The following RBM33 variants were observed in gnomAD, a reference collection of about 807,000 sequenced individuals.
RBM33 encodes the protein RNA-binding protein 33.
RBM33 carries 28 observed loss-of-function variants against 132.6 expected under a neutral mutation model. The observed-to-expected ratio is 0.21, with a 90% CI of 0.16 to 0.29. RBM33 has a LOEUF of 0.29. Among genes scored for constraint, RBM33 ranks in the 10% least tolerant of loss-of-function variants. The pLI is 1.00. For missense variants in RBM33, 1,291 were observed against 1,518.5 expected (o/e 0.85, Z 2.49); for synonymous variants, 634 against 593.0 (o/e 1.07, Z -1.01).
chr7:155,745,748 T>C lies in RBM33; in HGVS notation c.2979+146T>C. The C allele has an allele frequency of 1.2e-6, 1 of 814,998 alleles. No individual in the cohort carries two copies. Among genetic ancestry groups the C allele is most frequent in the East Asian group, 2.7e-5 (1 of 36,980 alleles). The allele number at this position is 814,998 out of a possible 1,614,324, so 50.5% of individuals were successfully genotyped here. ...AATCTCTACCTACTTGAAGTTGGTA[T>C]AAGAATTGCCGCTTGACGACAGGCA... On this transcript the variant is annotated intron_variant, in intron 14 of 17. Coordinates refer to ENST00000401878, the MANE Select transcript of RBM33 (RefSeq NM_053043.3). The surrounding 1 kb of genome is among the most constrained non-coding windows in gnomAD (Gnocchi z 4.1).
intron 9 of RBM33, among the ~76,000 whole-genome samples, chr7:155,733,411 A>G (rs1334747461): frequency 1.1e-5 from 1 of 89,540 alleles, no homozygotes; most frequent in Non-Finnish European, 2.2e-5. Flanking sequence ...GAAATCCCTG[A>G]TGTGGTTGAG....
chr7:155,696,123 A>T (rs1398099161), intron 5 of RBM33, among the ~76,000 whole-genome samples: 1 of 152,068 alleles, frequency 6.6e-6, no homozygotes, highest in East Asian at 1.9e-4. Flanking sequence ...TTGTTTTTGT[A>T]TCCCTATATC....
Position 155,745,138 on chromosome 7 carries a change from C to T in RBM33, c.2515C>T (p.Pro839Ser), listed in dbSNP as rs767507896. ...QQQQQLYAPPPPAEQEEQALS... is the reference protein window; with the variant it reads ...QQQQQLYAPPSPAEQEEQALS... ...ACAGCAGCAGCTGTACGCTCCCCCA[C>T]CCCCAGCAGAGCAGGAAGAGCAGGC... The change falls in exon 14 of 18, where the codon CCC (proline) becomes TCC (serine). Residue 839 changes from proline to serine, a missense_variant. By Grantham distance (74) the Pro-to-Ser change is moderately conservative. This residue lies in a region of RBM33 where 841 missense variants were observed against 912.0 expected (regional missense o/e 0.92). Transcript: ENST00000401878. This position sits in a 1 kb window ranked among gnomAD's most constrained non-coding sequence, Gnocchi z 4.1. The T allele has an allele frequency of 2.5e-6, 4 of 1,603,066 alleles. No homozygotes were observed. Among genetic ancestry groups the T allele is most frequent in the Non-Finnish European group, 3.4e-6 (4 of 1,174,326 alleles).
intron 1 of RBM33, among the ~76,000 whole-genome samples, chr7:155,661,130 G>GTATATATA (rs1186560711): frequency 2.3e-5 from 2 of 85,710 alleles, no homozygotes; most frequent in African/African-American, 8.9e-5. Context: ...GTGTGTGTGT[G>GTATATATA]TATATATATA....
At chr7:155,683,477 G>T (rs1799391894) in intron 5 of RBM33, among the ~76,000 whole-genome samples, 1 of 152,200 alleles carries the variant, frequency 6.6e-6, no homozygotes, top group Admixed American at 6.5e-5. Context: ...ATGTGGATCT[G>T]TTGGAACCTA....
chr7:155,700,656 T>G, intron 5 of RBM33, 117 bp from the exon 6 acceptor site: 2 of 742,468 alleles, frequency 2.7e-6, no homozygotes, highest in Non-Finnish European at 4.2e-6. Context: ...CAGGACATTT[T>G]GCAGTATTTT....
At chr7:155,657,554 T>G (rs748973048) in intron 1 of RBM33, among the ~76,000 whole-genome samples, 2 of 152,212 alleles carry the variant, frequency 1.3e-5, no homozygotes, top group Non-Finnish European at 2.9e-5. Context: ...TGGAGTGCAG[T>G]GGCCATGCAC....
chr7:155,706,353 G>A (rs560145681), intron 6 of RBM33, among the ~76,000 whole-genome samples: 11 of 152,322 alleles, frequency 7.2e-5, no homozygotes, highest in East Asian at 1.9e-4. Flanking sequence ...ATCAGCCGGC[G>A]TGGCGGTGTG....
chr7:155,669,141 G>A (rs1358170945), intron 2 of RBM33, among the ~76,000 whole-genome samples: 7 of 152,102 alleles, frequency 4.6e-5, no homozygotes, highest in African/African-American at 1.7e-4. Flanking sequence ...GCCTCTCTGT[G>A]TGCTGCATGA....
intron 5 of RBM33, among the ~76,000 whole-genome samples, chr7:155,690,631 C>CT (rs1476436451): frequency 6.6e-6 from 1 of 152,132 alleles, no homozygotes; most frequent in East Asian, 1.9e-4. Context: ...ACGTTTACTG[C>CT]TTTCTTCAGG....
chr7:155,760,387 G>C (rs970863372), intron 14 of RBM33, among the ~76,000 whole-genome samples: 14 of 152,056 alleles, frequency 9.2e-5, no homozygotes, highest in Admixed American at 5.9e-4. Flanking sequence ...AGAAGTTGGA[G>C]AATCACAGTC....
At position 155,741,913 on chromosome 7, in the gene RBM33, C is replaced by T. The variant is rs1213477635; in HGVS notation, c.2144C>T (p.Pro715Leu). ...NSNLRELPIA[P>L]SHVIEMSSSR... is the part of the protein sequence containing the mutation. ...AATTTGCGTGAATTACCCATAGCGCCGTCACACGTGATAGAAATGAGCAGC... is the reference window on the plus strand; with the variant it reads ...AATTTGCGTGAATTACCCATAGCGCTGTCACACGTGATAGAAATGAGCAGC... The change falls in exon 13 of 18, where the codon CCG (proline) becomes CTG (leucine). Residue 715 changes from proline (P) to leucine (L), a missense_variant. Physicochemically the swap from Pro to Leu is moderately conservative, Grantham distance 98. Coordinates refer to ENST00000401878, the MANE Select transcript of RBM33 (RefSeq NM_053043.3). The T allele has an allele frequency of 3.1e-6, 5 of 1,613,876 alleles. No homozygotes were observed. The highest frequency in any genetic ancestry group is 3.4e-6 in the Non-Finnish European group (4 of 1,179,900).
chr7:155,762,250 T>G (rs1242180281), intron 14 of RBM33, among the ~76,000 whole-genome samples: 6 of 152,234 alleles, frequency 3.9e-5, no homozygotes, highest in Non-Finnish European at 8.8e-5. Flanking sequence ...TGTTCCAAAC[T>G]GAACCATGAC....
chr7:155,675,200 G>A (rs1336306140), intron 3 of RBM33, among the ~76,000 whole-genome samples: 6 of 151,284 alleles, frequency 4.0e-5, no homozygotes, highest in African/African-American at 1.2e-4. Context: ...CCAGTTACTC[G>A]GGAGGTTTAC....
chr7:155,675,463 C>T (rs1306002809), intron 3 of RBM33, among the ~76,000 whole-genome samples: 3 of 151,998 alleles, frequency 2.0e-5, no homozygotes, highest in African/African-American at 4.8e-5. Context: ...CTAGTCACTC[C>T]TGTGTACATT....
chr7:155,648,587 A>G (rs888372544), intron 1 of RBM33, among the ~76,000 whole-genome samples: 2 of 151,998 alleles, frequency 1.3e-5, no homozygotes, highest in Non-Finnish European at 2.9e-5. Flanking sequence ...GATAAATGAG[A>G]TGTTTTCATA....
chr7:155,711,795 T>C (rs1800310339), intron 8 of RBM33, among the ~76,000 whole-genome samples: 1 of 152,246 alleles, frequency 6.6e-6, no homozygotes, highest in South Asian at 2.1e-4. Context: ...TAAGGGTCTT[T>C]TCCACTAACG....
chr7:155,733,235 T>C (rs1449205934), intron 9 of RBM33, among the ~76,000 whole-genome samples: 1 of 152,150 alleles, frequency 6.6e-6, no homozygotes, highest in Admixed American at 6.5e-5. Flanking sequence ...GACTTGGGGG[T>C]ACACTACCAT....
At chr7:155,671,452 G>A (rs772086503) in intron 2 of RBM33, among the ~76,000 whole-genome samples, 3 of 152,114 alleles carry the variant, frequency 2.0e-5, no homozygotes, top group Non-Finnish European at 2.9e-5. Context: ...TTAAAATAAC[G>A]AATAAAGTCT....
Sources: gnomAD v4.1 joint callset for allele counts (sites outside exome capture counted in the v4.1 genomes callset) on GRCh38, gnomAD v4.1.1 for gene constraint, gnomAD v4.1.1 regional missense constraint, Gnocchi (gnomAD v3.1) non-coding constraint, MANE v1.5 for transcripts, NCBI Gene and HGNC (gene_info 2026-07-23, HGNC 2026-07-21) for gene names.